ADAR: variants seen among roughly 807,000 people sequenced by gnomAD.
The protein encoded by ADAR is double-stranded RNA-specific adenosine deaminase.
In ADAR, 41 loss-of-function variants were observed where a neutral mutation model predicts 113.2. The observed-to-expected ratio is 0.36, with a 90% CI of 0.28 to 0.47. The LOEUF is 0.47. Among genes scored for constraint, ADAR ranks in the 20% least tolerant of loss-of-function variants. The probability of loss-of-function intolerance (pLI) is 1.00; values close to 1 mark genes in which losing one functional copy is unlikely to be tolerated. For synonymous variants in ADAR, 605 were observed against 572.6 expected, an observed-to-expected ratio of 1.06 and a Z score of -0.81; for missense variants, 1,242 against 1,540.9, an observed-to-expected ratio of 0.81 and a Z score of 3.25.
rs778005675 is a variant in ADAR at position 154,597,951 on chromosome 1, G to A, written c.1811C>T (p.Pro604Leu). 1.9e-6 allele frequency: 3 copies of A among 1,614,134 alleles called. No individual in the cohort carries two copies. The highest frequency in any genetic ancestry group is 2.5e-6 in the Non-Finnish European group (3 of 1,180,020). ...EKTAESQTPT[P>L]SATSFFSGKS... is the part of the protein sequence containing the mutation. The stretch of plus-strand genomic sequence containing the variant: ...CCCAGAAAAGAAGGATGTGGCTGAA[G>A]GGGTGGGGGTCTGGGACTCTGCAGT... The change falls in exon 4 of 15, where the codon CCT becomes CTT. Residue 604 changes from proline to leucine, a missense_variant. Physicochemically the swap from Pro to Leu is moderately conservative, Grantham distance 98. This residue lies in a region of ADAR where 780 missense variants were observed against 1,057.9 expected (regional missense o/e 0.74). Coordinates refer to ENST00000368474, the MANE Select transcript of ADAR (RefSeq NM_001111.5).
At chr1:154,612,318 GTTTTTTTTT>G (rs55714254), upstream of ADAR, among the ~76,000 whole-genome samples, 4 of 69,200 alleles carry the variant, frequency 5.8e-5, no homozygotes, top group East Asian at 5.0e-4. Flanking sequence ...AAATTACTCA[GTTTTTTTTT>G]TTTTTTTTTT....
intron 1 of ADAR, among the ~76,000 whole-genome samples, chr1:154,603,471 C>A (rs1250517166): frequency 6.6e-6 from 1 of 152,162 alleles, no homozygotes; most frequent in Non-Finnish European, 1.5e-5. Context: ...GAGCTGGCAG[C>A]ATCTGCTCCT....
intron 1 of ADAR, among the ~76,000 whole-genome samples, chr1:154,606,232 G>A (rs1698182067): frequency 6.6e-6 from 1 of 152,124 alleles, no homozygotes; most frequent in Non-Finnish European, 1.5e-5. Context: ...AGTAGAGATG[G>A]GGTTTCACCA....
At chr1:154,608,207 G>A (rs1428970817), upstream of ADAR, 4 of 609,094 alleles carry the variant, frequency 6.6e-6, no homozygotes, top group African/African-American at 6.0e-5. Flanking sequence ...TCGTTTCCTC[G>A]GAAAGCCTTC....
chr1:154,615,334 T>C (rs1479435876), intron 1 of ADAR, among the ~76,000 whole-genome samples: 1 of 151,758 alleles, frequency 6.6e-6, no homozygotes, highest in Non-Finnish European at 1.5e-5. Context: ...GAGATAGGAG[T>C]TTCTGCATTT....
At chr1:154,620,838 A>C (rs1019107739) in intron 1 of ADAR, among the ~76,000 whole-genome samples, 1 of 152,228 alleles carries the variant, frequency 6.6e-6, no homozygotes, top group Non-Finnish European at 1.5e-5. Context: ...AGGTACACAT[A>C]AAATCTGTGC....
chr1:154,593,079 G>A (rs569910384), intron 6 of ADAR, among the ~76,000 whole-genome samples: 120 of 136,606 alleles, frequency 8.8e-4, no homozygotes, highest in African/African-American at 2.9e-3. Flanking sequence ...AGGTTGCAGT[G>A]AGCTGAGACT....
In ADAR at chr1:154,589,801, T is replaced by C. The variant is rs751955732; in HGVS notation, c.2624A>G (p.Lys875Arg). The stretch of plus-strand genomic sequence containing the variant: ...GACACCCATGTCCTCAGAGTCTTTT[T>C]TCATAATGATGGCGGCCAGAATCTT... The part of the protein sequence containing the change: ...GRKILAAIIM[K>R]KDSEDMGVVV... Residue 875 changes from lysine to arginine, a missense_variant, in exon 8 of 15, where the codon AAA (lysine) becomes AGA (arginine). By Grantham distance (26) the Lys-to-Arg change is conservative (BLOSUM62 2). Around this residue, in one of 2 missense-constraint regions of ADAR, gnomAD observed 780 missense variants for 1,057.9 expected, o/e 0.74. Coordinates refer to ENST00000368474, the MANE Select transcript of ADAR (RefSeq NM_001111.5). The C allele has an allele frequency of 6.2e-7, 1 of 1,613,980 alleles. No homozygotes were observed. Among genetic ancestry groups the C allele is most frequent in the African/African-American group, 1.3e-5 (1 of 74,878 alleles).
intron 6 of ADAR, among the ~76,000 whole-genome samples, chr1:154,591,700 G>C (rs1205499675): frequency 6.6e-6 from 1 of 152,226 alleles, no homozygotes; most frequent in Non-Finnish European, 1.5e-5. Context: ...TACTCTAACT[G>C]CATATAACAG....
Position 154,583,407 on chromosome 1 carries a change from A to C in ADAR, c.*1399T>G, listed in dbSNP as rs1341291078. 1 of 152,214 alleles carries C rather than the reference A, an allele frequency of 6.6e-6. No homozygotes were observed. The highest frequency in any genetic ancestry group is 1.5e-5 in the Non-Finnish European group (1 of 68,030). 9.4% of individuals were successfully genotyped at this position (152,214 alleles called of 1,614,324 possible). Reference sequence around the variant, plus strand: ...GTTTTTACGAGTGACTATTCAAAGAATGCACAGGAGCCAGAGAGCCAGACT... The same window carrying C: ...GTTTTTACGAGTGACTATTCAAAGACTGCACAGGAGCCAGAGAGCCAGACT... On this transcript the variant is annotated 3_prime_UTR_variant, in exon 15 of 15. Transcript: ENST00000368474.
intron 1 of ADAR, among the ~76,000 whole-genome samples, chr1:154,625,201 G>A (rs1401034926): frequency 2.0e-5 from 3 of 152,150 alleles, no homozygotes; most frequent in African/African-American, 7.2e-5. Context: ...TAGACAATTT[G>A]AGATGTTATT....
At chr1:154,612,276 A>C (rs1358418227), upstream of ADAR, among the ~76,000 whole-genome samples, 1 of 151,740 alleles carries the variant, frequency 6.6e-6, no homozygotes, top group Non-Finnish European at 1.5e-5. Flanking sequence ...TGTATTCTAA[A>C]CAATTTGCAA....
intron 6 of ADAR, among the ~76,000 whole-genome samples, chr1:154,591,535 C>G (rs1180600262): frequency 6.6e-6 from 1 of 152,220 alleles, no homozygotes; most frequent in Non-Finnish European, 1.5e-5. Flanking sequence ...CCAAGTGGAG[C>G]AGGGAGGTGG....
intron 1 of ADAR, among the ~76,000 whole-genome samples, chr1:154,616,265 A>T (rs1698633974): frequency 6.6e-6 from 1 of 152,212 alleles, no homozygotes; most frequent in Non-Finnish European, 1.5e-5. Flanking sequence ...AAATACTTTG[A>T]TGGCTTCCTA....
chr1:154,602,014 C>A lies in ADAR; in HGVS notation c.628G>T (p.Val210Leu). 6.2e-7 allele frequency: 1 copy of A among 1,614,250 alleles called. No homozygotes were observed. The highest frequency in any genetic ancestry group is 2.2e-5 in the East Asian group (1 of 44,880). The change falls in exon 2 of 15, where the codon GTG becomes TTG. Residue 210 changes from valine to leucine, a missense_variant. This residue lies in a region of ADAR where 462 missense variants were observed against 483.1 expected (regional missense o/e 0.96). Coordinates refer to ENST00000368474, the MANE Select transcript of ADAR (RefSeq NM_001111.5). ...TGGCTATGACCGTCTGGTCTTACCA[C>A]TCCGCTGTGCTGGTTCCAAGCCTGA... ...STQAWNQHSG[V>L]VRPDGHSQGA...
Position 154,608,122 on chromosome 1 carries a change from G to A in ADAR, c.-116C>T. 1 of 1,325,188 alleles carries A rather than the reference G, an allele frequency of 7.5e-7. No individual in the cohort carries two copies. Among genetic ancestry groups the A allele is most frequent in the Non-Finnish European group, 9.9e-7 (1 of 1,009,088 alleles). The allele number at this position is 1,325,188 out of a possible 1,614,324, so 82.1% of individuals were successfully genotyped here. ...CCTCCGCTACTCCGCACTGGAAGTGGCCCCGGGGCGTCGGCACGGGAAACT... is the reference window on the plus strand; with the variant it reads ...CCTCCGCTACTCCGCACTGGAAGTGACCCCGGGGCGTCGGCACGGGAAACT... On this transcript the variant is annotated 5_prime_UTR_variant, in exon 1 of 15. Coordinates refer to ENST00000368474, the MANE Select transcript of ADAR (RefSeq NM_001111.5).
intron 1 of ADAR, among the ~76,000 whole-genome samples, chr1:154,621,759 A>T (rs756820534): frequency 1.3e-4 from 20 of 152,174 alleles, no homozygotes; most frequent in Non-Finnish European, 2.5e-4. Context: ...GGCATTGCTG[A>T]TGGCAGTGGA....
chr1:154,623,717 A>G (rs1363982676), intron 1 of ADAR, among the ~76,000 whole-genome samples: 1 of 152,186 alleles, frequency 6.6e-6, no homozygotes, highest in Non-Finnish European at 1.5e-5. Flanking sequence ...GAAAGCAGCA[A>G]GAAGGCCGGG....
rs1055718441 is a variant in ADAR at position 154,588,343 on chromosome 1, G to A, written c.2886-85C>T. 3 of 1,599,034 alleles carry A rather than the reference G, an allele frequency of 1.9e-6. No homozygotes were observed. In the African/African-American group the frequency reaches 4.0e-5, roughly 21 times the overall value. On this transcript the variant is annotated intron_variant, in intron 10 of 14. Transcript: ENST00000368474. ...TCCAAAACAGTCAGATGTGACAGAA[G>A]CAAGGGATGTTTTCTAAGGCCTACC...
Sources: gnomAD v4.1 joint callset for allele counts (sites outside exome capture counted in the v4.1 genomes callset) on GRCh38, gnomAD v4.1.1 for gene constraint, gnomAD v4.1.1 regional missense constraint, MANE v1.5 for transcripts, NCBI Gene and HGNC (gene_info 2026-07-23, HGNC 2026-07-21) for gene names.